MSI2: variants seen among roughly 807,000 people sequenced by gnomAD.
MSI2 encodes RNA-binding protein Musashi homolog 2.
A neutral mutation model predicts 45.6 loss-of-function variants in MSI2; 17 were observed. The ratio of observed to expected loss-of-function variants is 0.37; its 90% CI spans 0.26 to 0.56. The LOEUF (loss-of-function observed/expected upper bound fraction) is 0.56. Ranked by LOEUF, MSI2 falls within the 20% of genes least tolerant of loss-of-function variation. MSI2 has a pLI of 0.77. For synonymous variants in MSI2, 156 were observed against 158.2 expected (o/e 0.99, Z 0.11); for missense variants, 293 against 444.2 (o/e 0.66, Z 3.06).
At chr17:57,345,536 T>TAG (rs1915527649) in intron 5 of MSI2, among the ~76,000 whole-genome samples, 1 of 152,198 alleles carries the variant, frequency 6.6e-6, no homozygotes, top group Admixed American at 6.5e-5. Context: ...TTTTTAAAAA[T>TAG]TAACTAAAGT....
At chr17:57,544,052 G>T (rs967472164) in intron 7 of MSI2, among the ~76,000 whole-genome samples, 2 of 152,130 alleles carry the variant, frequency 1.3e-5, no homozygotes, top group African/African-American at 4.8e-5. Flanking sequence ...TCTCTTTAGG[G>T]TTGCATCCCA....
At chr17:57,545,762 G>A (rs1451165742) in intron 7 of MSI2, among the ~76,000 whole-genome samples, 1 of 152,122 alleles carries the variant, frequency 6.6e-6, no homozygotes, top group African/African-American at 2.4e-5. Context: ...TTATTATGAC[G>A]ACTGGAGAAC....
chr17:57,545,308 T>C (rs974954443), intron 7 of MSI2, among the ~76,000 whole-genome samples: 3 of 152,116 alleles, frequency 2.0e-5, no homozygotes, highest in Non-Finnish European at 4.4e-5. Context: ...AAGATGAAAC[T>C]CCCATATGTC....
chr17:57,464,821 C>A (rs1242465060), intron 6 of MSI2, among the ~76,000 whole-genome samples: 1 of 152,198 alleles, frequency 6.6e-6, no homozygotes, highest in Non-Finnish European at 1.5e-5. Flanking sequence ...AGACGTCTGA[C>A]CTTACCAAAA....
chr17:57,682,909 G>T lies in MSI2; in HGVS notation c.*3392G>T. The T allele has an allele frequency of 4.4e-6, 1 of 226,710 alleles. No individual in the cohort carries two copies. The highest frequency in any genetic ancestry group is 8.8e-6 in the Non-Finnish European group (1 of 114,014). 14.0% of individuals were successfully genotyped at this position (226,710 alleles called of 1,614,324 possible). On this transcript the variant is annotated 3_prime_UTR_variant, in exon 14 of 14. Coordinates refer to ENST00000284073, the MANE Select transcript of MSI2 (RefSeq NM_138962.4). Reference sequence around the variant, plus strand: ...CGGACCCATTCCCGGTCCTAGCTGGGCATGGGGCTGACGGAGATGACCAAG... The same window carrying T: ...CGGACCCATTCCCGGTCCTAGCTGGTCATGGGGCTGACGGAGATGACCAAG...
chr17:57,678,017 T>C (rs1913355004), intron 13 of MSI2, among the ~76,000 whole-genome samples: 1 of 152,202 alleles, frequency 6.6e-6, no homozygotes, highest in Admixed American at 6.5e-5. Context: ...TGGATTCCAC[T>C]CGGAAAATCC....
At chr17:57,424,044 G>T (rs896144668) in intron 6 of MSI2, among the ~76,000 whole-genome samples, 2 of 152,182 alleles carry the variant, frequency 1.3e-5, no homozygotes. Context: ...TCCTGCAGGG[G>T]CAATCACTGT....
At chr17:57,351,235 G>A (rs1916005321) in intron 5 of MSI2, among the ~76,000 whole-genome samples, 1 of 152,088 alleles carries the variant, frequency 6.6e-6, no homozygotes, top group Non-Finnish European at 1.5e-5. Context: ...TGGTTCTGGA[G>A]GGTCAAGCAG....
chr17:57,612,709 A>G (rs1907288505), intron 8 of MSI2, among the ~76,000 whole-genome samples: 1 of 152,250 alleles, frequency 6.6e-6, no homozygotes, highest in South Asian at 2.1e-4. Flanking sequence ...AAACACTCCC[A>G]TTACAGTCAG....
At chr17:57,475,033 A>G (rs1444771043) in intron 6 of MSI2, among the ~76,000 whole-genome samples, 23 of 152,120 alleles carry the variant, frequency 1.5e-4, no homozygotes, top group African/African-American at 2.4e-5. Context: ...GCCTCTCTGT[A>G]CTTTTGAATA....
rs2086706831 is a variant in MSI2, at chr17:57,526,549, A to G, written c.406-3127A>G. On this transcript the variant is annotated intron_variant, in intron 6 of 13. Transcript: ENST00000284073. ...CAAGCCGCTTCTGTTTGATTCACATAGAACCGTGAGAAACAGTCTCGTATG... is the reference window on the plus strand; with the variant it reads ...CAAGCCGCTTCTGTTTGATTCACATGGAACCGTGAGAAACAGTCTCGTATG... Among the ~76,000 whole-genome samples the G allele has an allele frequency of 2.6e-5, 4 of 152,088 alleles. No homozygotes were observed. In the South Asian group the frequency reaches 6.2e-4, roughly 24 times the overall value.
Position 57,407,782 on chromosome 17 carries a change from T to A in MSI2, c.405+6311T>A, listed in dbSNP as rs116443599. On this transcript the variant is annotated intron_variant, in intron 6 of 13. Transcript: ENST00000284073. This position sits in a 1 kb window ranked among gnomAD's most constrained non-coding sequence, Gnocchi z 4.1. ...GCTGAAGGCTACTTTTGTGTTTAAA[T>A]TTTCTTCCTCTAATAGCCCAGAACA... is the stretch of plus-strand genomic sequence containing the variant. Among the ~76,000 whole-genome samples the A allele has an allele frequency of 0.016, 2,407 of 152,300 alleles. 67 individuals carry two copies. The highest frequency in any genetic ancestry group is 0.056 in the African/African-American group (2,322 of 41,534).
chr17:57,551,865 G>A (rs189853050), intron 7 of MSI2, among the ~76,000 whole-genome samples: 3 of 152,274 alleles, frequency 2.0e-5, no homozygotes, highest in East Asian at 3.9e-4. Flanking sequence ...TGTGCTGACC[G>A]CTCCTGTAGA....
intron 6 of MSI2, among the ~76,000 whole-genome samples, chr17:57,410,409 G>C (rs1471208669): frequency 6.6e-6 from 1 of 152,118 alleles, no homozygotes; most frequent in African/African-American, 2.4e-5. Flanking sequence ...AGGCCGGCAA[G>C]TGTTAGATGA....
At chr17:57,313,224 G>T (rs752710950) in intron 5 of MSI2, among the ~76,000 whole-genome samples, 12 of 152,162 alleles carry the variant, frequency 7.9e-5, no homozygotes, top group Non-Finnish European at 1.8e-4. Flanking sequence ...CAGTGGGTTT[G>T]TGCAAATGTC....
chr17:57,657,668 A>G (rs916294431), intron 11 of MSI2, among the ~76,000 whole-genome samples: 1 of 152,194 alleles, frequency 6.6e-6, no homozygotes, highest in Non-Finnish European at 1.5e-5. Context: ...GCCCATCCCA[A>G]TCCCCCTTCA....
intron 6 of MSI2, among the ~76,000 whole-genome samples, chr17:57,512,168 C>T (rs2086370025): frequency 6.6e-6 from 1 of 152,216 alleles, no homozygotes; most frequent in Non-Finnish European, 1.5e-5. Flanking sequence ...ACGTATCCTG[C>T]ACTGATGGCG....
chr17:57,430,049 G>C (rs1432293543), intron 6 of MSI2, among the ~76,000 whole-genome samples: 2 of 152,218 alleles, frequency 1.3e-5, no homozygotes, highest in Non-Finnish European at 2.9e-5. Context: ...CTCACACACA[G>C]TGAATTCTCA....
intron 7 of MSI2, among the ~76,000 whole-genome samples, chr17:57,585,051 C>G (rs751624992): frequency 1.7e-4 from 26 of 152,102 alleles, no homozygotes; most frequent in African/African-American, 6.0e-4. Flanking sequence ...CTCCTGACCT[C>G]AAGTGATCCA....
Sources: gnomAD v4.1 joint callset for allele counts (sites outside exome capture counted in the v4.1 genomes callset) on GRCh38, gnomAD v4.1.1 for gene constraint, Gnocchi (gnomAD v3.1) non-coding constraint, MANE v1.5 for transcripts, NCBI Gene and HGNC (gene_info 2026-07-23, HGNC 2026-07-21) for gene names.